Variants in C2orf76 observed in about 807,000 individuals in gnomAD.
C2orf76 encodes chromosome 2 open reading frame 76.
C2orf76 carries 23 observed loss-of-function variants against 16.9 expected under a neutral mutation model. That is an observed-to-expected ratio of 1.36 (90% CI 0.98 to 1.93). The LOEUF (loss-of-function observed/expected upper bound fraction) is 1.93, where lower values mean the gene tolerates loss of function less well. Ranked by LOEUF, C2orf76 falls within the 30% of genes most tolerant of loss-of-function variation. The pLI, the probability that C2orf76 is intolerant of heterozygous loss-of-function variation, is 0.00. For missense variants in C2orf76, 152 were observed against 152.6 expected, an observed-to-expected ratio of 1.00 and a Z score of 0.02; for synonymous variants, 48 against 52.3, an observed-to-expected ratio of 0.92 and a Z score of 0.35.
At chr2:119,293,580 ATTG>A in the C2orf76 span, among the ~76,000 whole-genome samples, 3 of 152,188 alleles carry the variant, frequency 2.0e-5, no homozygotes, top group African/African-American at 7.2e-5. Context: ...AACAGGAAGA[ATTG>A]TAGTGGGGTA....
chr2:119,327,336 ATTTTTTTTTTTT>A (rs34185420), intron 2 of C2orf76, among the ~76,000 whole-genome samples: 2 of 68,692 alleles, frequency 2.9e-5, no homozygotes, highest in African/African-American at 1.2e-4. Context: ...AATTACATGG[ATTTTTTTTTTTT>A]TTTTTTTTTT....
At chr2:119,296,139 GA>G in the C2orf76 span, among the ~76,000 whole-genome samples, 1 of 152,184 alleles carries the variant, frequency 6.6e-6, no homozygotes, top group East Asian at 1.9e-4. Context: ...ATAAATGCTA[GA>G]AGTGCAGAGT....
chr2:119,332,969 G>A lies in C2orf76; in HGVS notation c.133+6858C>T, dbSNP rs1156692827. ...GCTGGTCTCGAACTCCTGCATTCAA[G>A]TGATCCTCCCGCTTTGGCCTCCCAA... On this transcript the variant is annotated intron_variant, in intron 2 of 5. Coordinates refer to ENST00000334816, the MANE Select transcript of C2orf76 (RefSeq NM_001322331.2). Among the ~76,000 whole-genome samples the A allele has an allele frequency of 2.6e-5, 4 of 152,352 alleles. No homozygotes were observed. The South Asian group carries it at 8.3e-4, about 32-fold the overall frequency.
the C2orf76 span, among the ~76,000 whole-genome samples, chr2:119,286,408 A>T: frequency 3.9e-5 from 6 of 151,974 alleles, no homozygotes; most frequent in Non-Finnish European, 7.4e-5. Flanking sequence ...CCCAGGATGA[A>T]TGCTAGTCTG....
chr2:119,304,327 G>A (rs1422898777), intron 5 of C2orf76, among the ~76,000 whole-genome samples: 2 of 152,168 alleles, frequency 1.3e-5, no homozygotes, highest in African/African-American at 4.8e-5. Context: ...CTCAGTCCAC[G>A]CTAACTGTAA....
the C2orf76 span, among the ~76,000 whole-genome samples, chr2:119,293,214 A>G: frequency 2.6e-5 from 4 of 152,264 alleles, no homozygotes; most frequent in Middle Eastern, 3.2e-3. Context: ...TAAAACAGAG[A>G]TAGACAAATG....
chr2:119,304,708 A>C (rs1678722893), intron 5 of C2orf76, among the ~76,000 whole-genome samples: 1 of 152,254 alleles, frequency 6.6e-6, no homozygotes, highest in Admixed American at 6.5e-5. Context: ...AACATTCAAA[A>C]GTAAAACATT....
chr2:119,319,270 T>C (rs1679272775), intron 3 of C2orf76, among the ~76,000 whole-genome samples: 1 of 152,190 alleles, frequency 6.6e-6, no homozygotes, highest in Non-Finnish European at 1.5e-5. Flanking sequence ...AAAGAAATGT[T>C]TTGAAGAGAA....
rs1023024344 is a variant in C2orf76, at chr2:119,351,814, G to A, written c.-12-11843C>T. On this transcript the variant is annotated intron_variant, in intron 1 of 5. Transcript: ENST00000334816. ...TTGACTTCAGCTGGGAATGTATTGA[G>A]TGACTCAAAATTTTCACTGCTCTGC... Among the ~76,000 whole-genome samples the A allele has an allele frequency of 3.3e-5, 5 of 152,152 alleles. No homozygotes were observed. The East Asian group carries it at 7.7e-4, about 24-fold the overall frequency.
chr2:119,337,062 TA>T (rs66468336), intron 2 of C2orf76, among the ~76,000 whole-genome samples: 74,814 of 148,608 alleles, frequency 0.5, 19,221 homozygotes, highest in Non-Finnish European at 0.57. Context: ...TTTATTTATT[TA>T]TTTATTTTTT....
At chr2:119,311,591 C>T in intron 5 of C2orf76, 31 bp downstream of exon 5, 1 of 1,605,326 alleles carries the variant, frequency 6.2e-7, no homozygotes, top group Non-Finnish European at 8.5e-7. Context: ...GCAGAGGTCC[C>T]CCTCCAGCAA....
intron 2 of C2orf76, among the ~76,000 whole-genome samples, chr2:119,335,400 CA>C (rs1679816598): frequency 6.6e-6 from 1 of 152,174 alleles, no homozygotes; most frequent in Non-Finnish European, 1.5e-5. Context: ...AGGGCATGTA[CA>C]AGATGAGTCT....
intron 2 of C2orf76, among the ~76,000 whole-genome samples, chr2:119,335,067 C>T (rs1027911883): frequency 6.6e-6 from 1 of 152,028 alleles, no homozygotes; most frequent in Admixed American, 6.6e-5. Context: ...CTAGAATGAC[C>T]CACAGGGTAA....
Position 119,308,334 on chromosome 2 carries a change from T to C in C2orf76, c.304+3288A>G, listed in dbSNP as rs528662951. ...ATAAACAATAATCTTACATGTATAC[T>C]TTAAACATTTTAAAACAATAATGGG... On this transcript the variant is annotated intron_variant, in intron 5 of 5. Transcript: ENST00000334816. 1.4e-4 allele frequency among the ~76,000 whole-genome samples: 21 copies of C among 152,334 alleles called. 1 individual carries two copies. The highest frequency in any genetic ancestry group is 6.8e-3 in the Middle Eastern group (2 of 294).
intron 2 of C2orf76, among the ~76,000 whole-genome samples, chr2:119,333,084 A>C (rs1418342168): frequency 6.6e-6 from 1 of 152,224 alleles, no homozygotes; most frequent in Non-Finnish European, 1.5e-5. Flanking sequence ...AAGAATGCGC[A>C]GCACATCCTG....
the C2orf76 span, among the ~76,000 whole-genome samples, chr2:119,296,426 TAC>T: frequency 6.6e-6 from 1 of 151,992 alleles, no homozygotes; most frequent in Non-Finnish European, 1.5e-5. Context: ...TGTGTACACG[TAC>T]AGTGAGAAAA....
chr2:119,362,651 G>A (rs1441273842), intron 1 of C2orf76, among the ~76,000 whole-genome samples: 6 of 152,118 alleles, frequency 3.9e-5, no homozygotes, highest in Admixed American at 2.0e-4. Flanking sequence ...TAAACAGAGC[G>A]CAGGCAGCAC....
downstream of C2orf76, among the ~76,000 whole-genome samples, chr2:119,299,540 G>A (rs1678585096): frequency 6.6e-6 from 1 of 152,192 alleles, no homozygotes; most frequent in South Asian, 2.1e-4. Flanking sequence ...TAGCTGTGGA[G>A]GCTACAAGTC....
the C2orf76 span, among the ~76,000 whole-genome samples, chr2:119,287,643 T>C: frequency 1.3e-5 from 2 of 152,308 alleles, no homozygotes; most frequent in African/African-American, 4.8e-5. Flanking sequence ...TTCGAAGACA[T>C]TGAGGCTCTT....
Sources: allele counts gnomAD v4.1 joint callset (sites outside exome capture counted in the v4.1 genomes callset), GRCh38; gene constraint gnomAD v4.1.1; transcripts MANE v1.5; gene names NCBI Gene and HGNC (gene_info 2026-07-23, HGNC 2026-07-21).